BICC1: variants seen among roughly 807,000 people sequenced by gnomAD.
BICC1 encodes BicC family RNA binding protein 1.
Under a neutral mutation model 111.0 loss-of-function variants are expected in BICC1, and 43 were observed. The observed-to-expected ratio is 0.39, with a 90% CI of 0.30 to 0.50. The LOEUF (loss-of-function observed/expected upper bound fraction) is 0.50. BICC1 is among the 20% of genes least tolerant of loss of function. The pLI is 0.88. For synonymous variants in BICC1, 467 were observed against 434.4 expected (o/e 1.07, Z -0.93); for missense variants, 1,091 against 1,203.2 (o/e 0.91, Z 1.38).
intron 3 of BICC1, among the ~76,000 whole-genome samples, chr10:58,717,339 A>G (rs1196242568): frequency 8.8e-6 from 1 of 114,186 alleles, no homozygotes; most frequent in African/African-American, 3.4e-5. Context: ...TTTAGCATGT[A>G]AAAAGCAGGG....
At chr10:58,762,583 C>A (rs1017059412) in intron 3 of BICC1, among the ~76,000 whole-genome samples, 1 of 152,100 alleles carries the variant, frequency 6.6e-6, no homozygotes, top group Non-Finnish European at 1.5e-5. Context: ...TCTTTATAAT[C>A]TGTGGTGTCT....
At chr10:58,558,220 C>T (rs1843507073) in intron 1 of BICC1, among the ~76,000 whole-genome samples, 1 of 152,076 alleles carries the variant, frequency 6.6e-6, no homozygotes, top group South Asian at 2.1e-4. Context: ...GTAGTTTACT[C>T]ATATGCATGG....
chr10:58,750,546 CTA>C (rs1332967767), intron 3 of BICC1, among the ~76,000 whole-genome samples: 2 of 152,214 alleles, frequency 1.3e-5, no homozygotes, highest in East Asian at 3.9e-4. Context: ...GCATATAGAT[CTA>C]TGTTATGACC....
At chr10:58,613,009 T>C (rs1188735442) in intron 1 of BICC1, among the ~76,000 whole-genome samples, 3 of 152,226 alleles carry the variant, frequency 2.0e-5, no homozygotes, top group Non-Finnish European at 4.4e-5. Context: ...CTGTTTTTAT[T>C]GGCAGTGGCT....
intron 3 of BICC1, among the ~76,000 whole-genome samples, chr10:58,765,299 AC>A (rs1181175963): frequency 2.5e-5 from 2 of 78,826 alleles, no homozygotes; most frequent in Non-Finnish European, 5.3e-5. Flanking sequence ...CAGGCCATCC[AC>A]CCACCTCAGC....
chr10:58,817,636 A>C lies in BICC1; in HGVS notation c.2608A>C (p.Asn870His), dbSNP rs62625030. 9.3e-6 allele frequency: 15 copies of C among 1,613,492 alleles called. No homozygotes were observed. The highest frequency in any genetic ancestry group is 7.7e-5 in the South Asian group (7 of 91,064). Residue 870 changes from asparagine to histidine, a missense_variant, in exon 19 of 21, where the codon AAT (asparagine) becomes CAT (histidine). Asn to His is a moderately conservative substitution (Grantham distance 68, BLOSUM62 1). Around this residue, in one of 3 missense-constraint regions of BICC1, gnomAD observed 231 missense variants for 256.2 expected, o/e 0.90. Coordinates refer to ENST00000373886, the MANE Select transcript of BICC1 (RefSeq NM_001080512.3). The stretch of plus-strand genomic sequence containing the variant: ...GACAGGAAGCAATGGCTGTAACTTA[A>C]ATAGCTCTTTCAAAGGTTCTGACCT... ...SLTGSNGCNL[N>H]SSFKGSDLPE... is the part of the protein sequence containing the mutation.
intron 1 of BICC1, among the ~76,000 whole-genome samples, chr10:58,552,435 A>T (rs1407435655): frequency 6.6e-6 from 1 of 151,982 alleles, no homozygotes; most frequent in African/African-American, 2.4e-5. Flanking sequence ...TCCCGGGTTC[A>T]TGCCATTCTC....
At chr10:58,659,645 C>T (rs1351156864) in intron 2 of BICC1, among the ~76,000 whole-genome samples, 1 of 152,086 alleles carries the variant, frequency 6.6e-6, no homozygotes, top group Non-Finnish European at 1.5e-5. Flanking sequence ...CTTACTGGTA[C>T]ACGGAACGCG....
At chr10:58,688,070 G>C (rs1839797196) in intron 2 of BICC1, among the ~76,000 whole-genome samples, 1 of 152,102 alleles carries the variant, frequency 6.6e-6, no homozygotes, top group African/African-American at 2.4e-5. Context: ...CCGACTTCAC[G>C]AGTGAAGCTG....
At chr10:58,804,289 G>A (rs1843645011) in intron 15 of BICC1, among the ~76,000 whole-genome samples, 1 of 152,156 alleles carries the variant, frequency 6.6e-6, no homozygotes, top group Non-Finnish European at 1.5e-5. Flanking sequence ...GCCGAGGCAG[G>A]TGGATTGCTT....
chr10:58,579,840 AAGT>A (rs1283398245), intron 1 of BICC1, among the ~76,000 whole-genome samples: 1 of 151,370 alleles, frequency 6.6e-6, no homozygotes, highest in Non-Finnish European at 1.5e-5. Context: ...AAGTCTTCCA[AAGT>A]AGAAAAGAAC....
chr10:58,607,317 A>AAAATAAAT (rs370698110), intron 1 of BICC1, among the ~76,000 whole-genome samples: 1,866 of 134,692 alleles, frequency 0.014, 60 homozygotes, highest in African/African-American at 0.047. Context: ...ACTCTGTCTC[A>AAAATAAAT]AAATAAATAA....
intron 1 of BICC1, among the ~76,000 whole-genome samples, chr10:58,611,363 C>T (rs118152084): frequency 6.6e-6 from 1 of 152,252 alleles, no homozygotes; most frequent in East Asian, 1.9e-4. Flanking sequence ...CTAACACATT[C>T]ACTATGTATC....
intron 3 of BICC1, among the ~76,000 whole-genome samples, chr10:58,752,795 C>T (rs1842027488): frequency 6.6e-6 from 1 of 152,174 alleles, no homozygotes; most frequent in African/African-American, 2.4e-5. Context: ...CTGCAAAGAA[C>T]AGAAAACCCA....
chr10:58,787,103 A>G (rs377760786), intron 5 of BICC1, 22 bp downstream of exon 5: 4 of 1,543,066 alleles, frequency 2.6e-6, no homozygotes, highest in Non-Finnish European at 2.6e-6. Context: ...TTTCACATGA[A>G]CTTTTATGGG....
chr10:58,597,347 A>G (rs1267411296), intron 1 of BICC1, among the ~76,000 whole-genome samples: 1 of 152,128 alleles, frequency 6.6e-6, no homozygotes, highest in Non-Finnish European at 1.5e-5. Flanking sequence ...AAGCACAACT[A>G]CTAGTAAGGG....
intron 10 of BICC1, among the ~76,000 whole-genome samples, chr10:58,797,891 A>G (rs1052372156): frequency 6.6e-6 from 1 of 152,178 alleles, no homozygotes; most frequent in East Asian, 1.9e-4. Flanking sequence ...GAAGTCATGT[A>G]TATGTTTTGA....
chr10:58,594,159 G>A (rs1266159499), intron 1 of BICC1, among the ~76,000 whole-genome samples: 1 of 151,734 alleles, frequency 6.6e-6, no homozygotes, highest in Non-Finnish European at 1.5e-5. Flanking sequence ...AATAAAAAGA[G>A]GAGACAAGAT....
chr10:58,638,519 G>C (rs1417870893), intron 2 of BICC1, among the ~76,000 whole-genome samples: 1 of 151,970 alleles, frequency 6.6e-6, no homozygotes, highest in East Asian at 1.9e-4. Flanking sequence ...TCCCCTTTTT[G>C]GTCTCAGTGC....
Sources: allele counts gnomAD v4.1 joint callset (sites outside exome capture counted in the v4.1 genomes callset), GRCh38; gene constraint gnomAD v4.1.1; regional missense constraint gnomAD v4.1.1; transcripts MANE v1.5; gene names NCBI Gene and HGNC (gene_info 2026-07-23, HGNC 2026-07-21).